Variants in EPHB4 observed in about 807,000 individuals in gnomAD.
The protein encoded by EPHB4 is EPH receptor B4, also known as ephrin type-B receptor 4.
In EPHB4, 50 loss-of-function variants were observed where a neutral mutation model predicts 110.6. The ratio of observed to expected loss-of-function variants is 0.45; its 90% CI spans 0.36 to 0.57. The LOEUF (loss-of-function observed/expected upper bound fraction) is 0.57. Ranked by LOEUF, EPHB4 falls within the 20% of genes least tolerant of loss-of-function variation. The pLI is 0.00. For missense variants in EPHB4, 1,128 were observed against 1,382.1 expected (o/e 0.82, Z 2.91); for synonymous variants, 592 against 578.4 (o/e 1.02, Z -0.34).
intron 12 of EPHB4, among the ~76,000 whole-genome samples, chr7:100,807,792 A>G (rs1480656462): frequency 6.6e-6 from 1 of 152,022 alleles, no homozygotes; most frequent in Non-Finnish European, 1.5e-5. Context: ...TTATGCCTGG[A>G]TAATTTTTTA....
intron 6 of EPHB4, among the ~76,000 whole-genome samples, chr7:100,819,333 C>G (rs903457360): frequency 6.6e-6 from 1 of 152,134 alleles, no homozygotes; most frequent in Admixed American, 6.5e-5. Context: ...TGGTCTTGAA[C>G]TCCAGGGCTC....
In EPHB4 at chr7:100,817,173, C is replaced by T. The variant is rs371852752; in HGVS notation, c.1588+19G>A. Reference sequence around the variant, plus strand: ...GGGGTCTTTCCAACCCCCACCCTCACCCCCTTCCCCAGGCTCACCATCCAG... The same window carrying T: ...GGGGTCTTTCCAACCCCCACCCTCATCCCCTTCCCCAGGCTCACCATCCAG... On this transcript the variant is annotated intron_variant, in intron 8 of 16. Transcript: ENST00000358173. The T allele has an allele frequency of 5.3e-6, 8 of 1,509,586 alleles. No individual in the cohort carries two copies. The African/African-American group carries it at 1.0e-4, about 19-fold the overall frequency. 93.5% of individuals were successfully genotyped at this position (1,509,586 alleles called of 1,614,324 possible). A position where few individuals can be genotyped will look rare whatever the true frequency, so the allele number is the denominator to read the frequency against.
At chr7:100,823,219 C>T (rs550025569) in intron 3 of EPHB4, among the ~76,000 whole-genome samples, 31 of 152,210 alleles carry the variant, frequency 2.0e-4, no homozygotes, top group Admixed American at 6.5e-4. Context: ...GAGAGTCAGC[C>T]AAGGTGGCAC....
rs547435407 is a variant in EPHB4 at position 100,806,296 on chromosome 7, C to T, written c.2484+124G>A. On this transcript the variant is annotated intron_variant, in intron 14 of 16. Transcript: ENST00000358173. ...CTCTTTGATACAAAGATCAATTCTCCTTTTTGTCATCTCCATGGTCTCAAG... is the reference window on the plus strand; with the variant it reads ...CTCTTTGATACAAAGATCAATTCTCTTTTTTGTCATCTCCATGGTCTCAAG... 16 of 1,209,682 alleles carry T rather than the reference C, an allele frequency of 1.3e-5. 1 individual carries two copies. The Admixed American group carries it at 2.5e-4, about 19-fold the overall frequency. The allele number at this position is 1,209,682 out of a possible 1,614,324, so 74.9% of individuals were successfully genotyped here.
chr7:100,816,229 C>A (rs1480014702), intron 8 of EPHB4, among the ~76,000 whole-genome samples: 4 of 152,064 alleles, frequency 2.6e-5, no homozygotes, highest in South Asian at 4.1e-4. Context: ...TAACCTGTTA[C>A]CTCCAATCCT....
rs560145184 is a variant in EPHB4, at chr7:100,822,103, T to G, written c.808+168A>C. ...TGAACAGGGACCCGGGAGGCAAAGG[T>G]TGCAGTTGAGCAGAGATTGTGCCAC... On this transcript the variant is annotated intron_variant, in intron 4 of 16. Transcript: ENST00000358173. The surrounding 1 kb of genome is among the most constrained non-coding windows in gnomAD (Gnocchi z 4.7). 6.6e-6 allele frequency among the ~76,000 whole-genome samples: 1 copy of G among 152,112 alleles called. No homozygotes were observed. The highest frequency in any genetic ancestry group is 2.1e-4 in the South Asian group (1 of 4,826).
chr7:100,817,351 C>A lies in EPHB4; in HGVS notation c.1429G>T (p.Glu477Ter). The A allele has an allele frequency of 6.4e-7, 1 of 1,568,362 alleles. No individual in the cohort carries two copies. Among genetic ancestry groups the A allele is most frequent in the Non-Finnish European group, 8.6e-7 (1 of 1,158,934 alleles). Reference protein sequence around the residue: ...YEVKYHEKGAEGPSSVRFLKT... With the variant: ...YEVKYHEKGA ...AGGAACCGCACGCTGCTGGGACCCT[C>A]GGCGCCCTGTCCGGGAGAGGTAGTG... Residue 477 changes from glutamate (E) to a stop codon, truncating the protein, a stop_gained, in exon 8 of 17, where the codon GAG (glutamate) becomes TAG (stop). Transcript: ENST00000358173. LOFTEE classifies it high-confidence loss of function.
chr7:100,815,795 TG>T (rs1813052360), intron 8 of EPHB4, among the ~76,000 whole-genome samples: 1 of 152,114 alleles, frequency 6.6e-6, no homozygotes, highest in Admixed American at 6.6e-5. Context: ...GAGACCAGCC[TG>T]GGCAACATAG....
rs756122719 is a variant in EPHB4 at position 100,813,164 on chromosome 7, C to T, written c.1801G>A (p.Glu601Lys). 1 of 1,609,376 alleles carries T rather than the reference C, an allele frequency of 6.2e-7. No homozygotes were observed. The highest frequency in any genetic ancestry group is 8.5e-7 in the Non-Finnish European group (1 of 1,180,008). The change falls in exon 11 of 17, where the codon GAG (glutamate) becomes AAG (lysine). Residue 601 changes from glutamate (E) to lysine (K), a missense_variant. This residue lies in a region of EPHB4 where 191 missense variants were observed against 313.0 expected (regional missense o/e 0.61). Transcript: ENST00000358173. ...IDPFTYEDPN[E>K]AVREFAKEID... ...TCTTTTGCAAATTCCCTCACAGCCT[C>T]ATTAGGGTCTTCATAAGTGAAGGGG...
At chr7:100,805,908 A>C (rs1246922298) in intron 14 of EPHB4, 2 of 437,752 alleles carry the variant, frequency 4.6e-6, no homozygotes, top group Non-Finnish European at 7.9e-6. Flanking sequence ...TTACCTCTCA[A>C]CCCTGCCCTC....
At chr7:100,826,888 T>A (rs1813413766) in intron 1 of EPHB4, 91 bp downstream of exon 1, 39 of 1,423,920 alleles carry the variant, frequency 2.7e-5, no homozygotes, top group Middle Eastern at 3.7e-4. Context: ...GTAGGGGTAG[T>A]CAGAGGCCGG....
In EPHB4 at chr7:100,803,519, T is replaced by G; in HGVS notation, c.2906A>C (p.Lys969Thr). 1 of 1,596,426 alleles carries G rather than the reference T, an allele frequency of 6.3e-7. No individual in the cohort carries two copies. The highest frequency in any genetic ancestry group is 1.1e-5 in the South Asian group (1 of 87,790). The change falls in exon 17 of 17, where the codon AAG becomes ACG. Residue 969 changes from lysine (K) to threonine (T), a missense_variant. Physicochemically the swap from Lys to Thr is moderately conservative, Grantham distance 78 (BLOSUM62 -1). Coordinates refer to ENST00000358173, the MANE Select transcript of EPHB4 (RefSeq NM_004444.5). ...CGGGGTTCCCGGCTTGGCCTGGGAC[T>G]TCATGTGCTGGACACTGGCCAAGAT... ...KKILASVQHMKSQAKPGTPGG... is the reference protein window; with the variant it reads ...KKILASVQHMTSQAKPGTPGG...
chr7:100,815,498 TG>T (rs1813046518), intron 8 of EPHB4, among the ~76,000 whole-genome samples: 1 of 151,812 alleles, frequency 6.6e-6, no homozygotes, highest in African/African-American at 2.4e-5. Context: ...AAGATCTGGG[TG>T]GGGGGTGATG....
Position 100,818,632 on chromosome 7 carries a change from A to G in EPHB4, c.1310T>C (p.Val437Ala). ...GGACCGCGTCACCCGGATGTCAGAC[A>G]CTGCAGGAGGTACTGTGAGAGGCAG... is the stretch of plus-strand genomic sequence containing the variant. Reference protein sequence around the residue: ...VTTDREVPPAVSDIRVTRSSP... With the variant: ...VTTDREVPPAASDIRVTRSSP... The change falls in exon 7 of 17, where the codon GTG (valine) becomes GCG (alanine). Residue 437 changes from valine to alanine, a missense_variant. Val to Ala is a moderately conservative substitution (Grantham distance 64). Coordinates refer to ENST00000358173, the MANE Select transcript of EPHB4 (RefSeq NM_004444.5). 6.2e-7 allele frequency: 1 copy of G among 1,610,288 alleles called. No individual in the cohort carries two copies. The highest frequency in any genetic ancestry group is 8.5e-7 in the Non-Finnish European group (1 of 1,179,832).
rs982319311 is a variant in EPHB4, at chr7:100,803,403, C to T, written c.*58G>A. 2 of 1,458,846 alleles carry T rather than the reference C, an allele frequency of 1.4e-6. No individual in the cohort carries two copies. The highest frequency in any genetic ancestry group is 9.2e-7 in the Non-Finnish European group (1 of 1,089,998). 90.4% of individuals were successfully genotyped at this position (1,458,846 alleles called of 1,614,324 possible). A position where few individuals can be genotyped will look rare whatever the true frequency, so the allele number is the denominator to read the frequency against. ...ACAGGGCTGGGGGCCTCTGTGAGTC[C>T]CCACTCTGCCCCGGAAAATGGGGAG... is the stretch of plus-strand genomic sequence containing the variant. On this transcript the variant is annotated 3_prime_UTR_variant, in exon 17 of 17. Coordinates refer to ENST00000358173, the MANE Select transcript of EPHB4 (RefSeq NM_004444.5).
At chr7:100,825,934 G>C (rs921464902) in intron 1 of EPHB4, among the ~76,000 whole-genome samples, 1 of 152,136 alleles carries the variant, frequency 6.6e-6, no homozygotes, top group Non-Finnish European at 1.5e-5. Flanking sequence ...AGCTGGGCAA[G>C]CCTCCCCTCA....
intron 2 of EPHB4, 96 bp from the exon 3 acceptor site, chr7:100,824,027 G>A: frequency 6.6e-7 from 1 of 1,511,300 alleles, no homozygotes; most frequent in East Asian, 2.4e-5. Flanking sequence ...CTGAGAAAGG[G>A]GGGCTGCTGG....
In EPHB4 at chr7:100,823,783, C is replaced by T. The variant is rs764620067; in HGVS notation, c.272G>A (p.Arg91His). 3.0e-5 allele frequency: 49 copies of T among 1,613,378 alleles called. No individual in the cohort carries two copies. Among genetic ancestry groups the T allele is most frequent in the East Asian group, 2.7e-4 (12 of 44,888 alleles). ...GGACAGGCACTCGAGCATGGTGAAG[C>T]GCAGCGTGGCGTACACGTGGACGGC... ...RGAVHVYATL[R>H]FTMLECLSLP... Residue 91 changes from arginine to histidine, a missense_variant, in exon 3 of 17, where the codon CGC becomes CAC. Arg to His is a conservative substitution (Grantham distance 29). Around this residue, in one of 3 missense-constraint regions of EPHB4, gnomAD observed 728 missense variants for 828.6 expected, o/e 0.88. Transcript: ENST00000358173.
At chr7:100,816,935 C>T (rs180825371) in intron 8 of EPHB4, among the ~76,000 whole-genome samples, 13 of 151,890 alleles carry the variant, frequency 8.6e-5, no homozygotes, top group South Asian at 6.2e-4. Flanking sequence ...TACAAAAAAT[C>T]GGCCAGGCGC....
Sources: gnomAD v4.1 joint callset for allele counts (sites outside exome capture counted in the v4.1 genomes callset) on GRCh38, gnomAD v4.1.1 for gene constraint, gnomAD v4.1.1 regional missense constraint, Gnocchi (gnomAD v3.1) non-coding constraint, MANE v1.5 for transcripts, NCBI Gene and HGNC (gene_info 2026-07-23, HGNC 2026-07-21) for gene names.